HS6ST3: variants seen among roughly 807,000 people sequenced by gnomAD.
HS6ST3 encodes the protein heparan-sulfate 6-O-sulfotransferase 3.
Under a neutral mutation model 36.7 loss-of-function variants are expected in HS6ST3, and 12 were observed. The observed-to-expected ratio is 0.33, with a 90% CI of 0.21 to 0.53. HS6ST3 has a LOEUF of 0.53. Among genes scored for constraint, HS6ST3 ranks in the 20% least tolerant of loss-of-function variants. The pLI, the probability that HS6ST3 is intolerant of heterozygous loss-of-function variation, is 0.95. For missense variants in HS6ST3, 584 were observed against 640.9 expected, an observed-to-expected ratio of 0.91 and a Z score of 0.96; for synonymous variants, 240 against 257.5, an observed-to-expected ratio of 0.93 and a Z score of 0.65.
At chr13:96,567,500 C>CTATTATATAATGAGTA (rs2056285745) in intron 1 of HS6ST3, among the ~76,000 whole-genome samples, 1 of 152,012 alleles carries the variant, frequency 6.6e-6, no homozygotes, top group Non-Finnish European at 1.5e-5. Flanking sequence ...ATGCATCACT[C>CTATTATATAATGAGTA]TATTATATAA....
chr13:96,183,951 C>T (rs2054252596), intron 1 of HS6ST3, among the ~76,000 whole-genome samples: 1 of 152,006 alleles, frequency 6.6e-6, no homozygotes, highest in Non-Finnish European at 1.5e-5. Context: ...GCCTGTCATC[C>T]CAGCACTTTG....
At chr13:96,441,359 C>A (rs61598306) in intron 1 of HS6ST3, among the ~76,000 whole-genome samples, 3,427 of 151,738 alleles carry the variant, frequency 0.023, 137 homozygotes, top group African/African-American at 0.08. Flanking sequence ...TTCCACAGAG[C>A]AAAACTCTCC....
rs376028417 is a variant in HS6ST3, at chr13:96,509,537, G to A, written c.708-322953G>A. Among the ~76,000 whole-genome samples, 9 of 152,186 alleles carry A rather than the reference G, an allele frequency of 5.9e-5. 1 individual carries two copies. The highest frequency in any genetic ancestry group is 1.9e-4 in the African/African-American group (8 of 41,536). ...GATTTTTGTATAAGGTGAAAGATAG[G>A]GATCCAGTTTCATTATTCTACATGT... On this transcript the variant is annotated intron_variant, in intron 1 of 1. Coordinates refer to ENST00000376705, the MANE Select transcript of HS6ST3 (RefSeq NM_153456.4).
rs4771931 is a variant in HS6ST3 at position 96,296,592 on chromosome 13, G to A, written c.707+205023G>A. Among the ~76,000 whole-genome samples the A allele has an allele frequency of 6.0e-3, 907 of 152,108 alleles. 7 individuals are homozygous for A. The highest frequency in any genetic ancestry group is 0.048 in the Middle Eastern group (14 of 294). ...ACATTTTTCCAGGCTATTTGTTTTAGTATTTTATAAAATTAACAAAATAAT... is the reference window on the plus strand; with the variant it reads ...ACATTTTTCCAGGCTATTTGTTTTAATATTTTATAAAATTAACAAAATAAT... On this transcript the variant is annotated intron_variant, in intron 1 of 1. Coordinates refer to ENST00000376705, the MANE Select transcript of HS6ST3 (RefSeq NM_153456.4).
chr13:96,110,457 G>C (rs1220219543), intron 1 of HS6ST3, among the ~76,000 whole-genome samples: 1 of 142,874 alleles, frequency 7.0e-6, no homozygotes, highest in Non-Finnish European at 1.5e-5. Flanking sequence ...TTTTTTTTGA[G>C]ACGGTGTCTC....
chr13:96,693,588 C>G (rs932300357), intron 1 of HS6ST3, among the ~76,000 whole-genome samples: 1 of 152,186 alleles, frequency 6.6e-6, no homozygotes, highest in Non-Finnish European at 1.5e-5. Context: ...CAGGCGTGAG[C>G]CACCATGACC....
At chr13:96,390,466 A>G (rs1454479371) in intron 1 of HS6ST3, among the ~76,000 whole-genome samples, 1 of 152,226 alleles carries the variant, frequency 6.6e-6, no homozygotes, top group Non-Finnish European at 1.5e-5. Context: ...ATGAGGAAGC[A>G]GGACCTCACC....
chr13:96,604,128 A>G lies in HS6ST3; in HGVS notation c.708-228362A>G, dbSNP rs184118357. Among the ~76,000 whole-genome samples the G allele has an allele frequency of 1.2e-4, 18 of 152,308 alleles. No individual in the cohort carries two copies. The East Asian group carries it at 3.5e-3, about 29-fold the overall frequency. ...GGAGCAGTTCTGGCTGTAAAGAAGT[A>G]GTTTGAGAAATCAAGAGAACTATAA... On this transcript the variant is annotated intron_variant, in intron 1 of 1. Transcript: ENST00000376705.
chr13:96,531,709 C>A (rs191303129), intron 1 of HS6ST3, among the ~76,000 whole-genome samples: 1 of 152,284 alleles, frequency 6.6e-6, no homozygotes, highest in East Asian at 1.9e-4. Context: ...CAACGACAAT[C>A]GTAACAGCAA....
intron 1 of HS6ST3, among the ~76,000 whole-genome samples, chr13:96,765,550 A>G (rs1052082048): frequency 4.6e-5 from 7 of 151,588 alleles, no homozygotes; most frequent in Non-Finnish European, 1.0e-4. Flanking sequence ...GCAGTTCTTG[A>G]AAGTTTCTGT....
chr13:96,458,200 C>T (rs2055763685), intron 1 of HS6ST3, among the ~76,000 whole-genome samples: 1 of 151,996 alleles, frequency 6.6e-6, no homozygotes, highest in South Asian at 2.1e-4. Context: ...GTCCTATGCT[C>T]AAGGGTAATG....
intron 1 of HS6ST3, among the ~76,000 whole-genome samples, chr13:96,318,048 G>A (rs1398007107): frequency 1.3e-5 from 2 of 152,038 alleles, no homozygotes; most frequent in Non-Finnish European, 2.9e-5. Context: ...AAGCTCTTTA[G>A]TTTAATTAGG....
At chr13:96,549,589 C>A (rs562489092) in intron 1 of HS6ST3, among the ~76,000 whole-genome samples, 21 of 152,154 alleles carry the variant, frequency 1.4e-4, no homozygotes, top group African/African-American at 5.1e-4. Flanking sequence ...GTTATCTGTC[C>A]TTTGATTAAA....
intron 1 of HS6ST3, among the ~76,000 whole-genome samples, chr13:96,405,000 C>T (rs2055470409): frequency 6.6e-6 from 1 of 152,172 alleles, no homozygotes; most frequent in African/African-American, 2.4e-5. Context: ...TCTCCCTTTG[C>T]CTGCCACCAT....
At chr13:96,336,519 A>G (rs1460914250) in intron 1 of HS6ST3, among the ~76,000 whole-genome samples, 1 of 152,142 alleles carries the variant, frequency 6.6e-6, no homozygotes, top group African/African-American at 2.4e-5. Context: ...TGGTGTCCAT[A>G]TTAGAGGAGG....
At chr13:96,539,726 G>C (rs1284476600) in intron 1 of HS6ST3, among the ~76,000 whole-genome samples, 2 of 152,140 alleles carry the variant, frequency 1.3e-5, no homozygotes, top group East Asian at 3.8e-4. Flanking sequence ...GAATTGAAAA[G>C]AGAAACATTC....
At chr13:96,367,986 C>T (rs1028291527) in intron 1 of HS6ST3, among the ~76,000 whole-genome samples, 19 of 152,120 alleles carry the variant, frequency 1.2e-4, no homozygotes, top group Non-Finnish European at 1.3e-4. Context: ...TGTAAATGTA[C>T]GAAGTCGAAG....
chr13:96,588,967 C>T (rs969254381), intron 1 of HS6ST3, among the ~76,000 whole-genome samples: 2 of 148,662 alleles, frequency 1.3e-5, no homozygotes, highest in African/African-American at 5.0e-5. Context: ...AGGAGAATCA[C>T]TTGAATCTGG....
chr13:96,653,433 C>T (rs1201923467), intron 1 of HS6ST3, among the ~76,000 whole-genome samples: 5 of 152,086 alleles, frequency 3.3e-5, no homozygotes, highest in Non-Finnish European at 5.9e-5. Flanking sequence ...TTGTTCAACT[C>T]CCACTTATGA....
Sources: gnomAD v4.1 joint callset for allele counts (sites outside exome capture counted in the v4.1 genomes callset) on GRCh38, gnomAD v4.1.1 for gene constraint, MANE v1.5 for transcripts, NCBI Gene and HGNC (gene_info 2026-07-23, HGNC 2026-07-21) for gene names.